Variants in CPA6 observed in about 807,000 individuals in gnomAD.
CPA6 encodes carboxypeptidase B.
Under a neutral mutation model 63.3 loss-of-function variants are expected in CPA6, and 58 were observed. That is an observed-to-expected ratio of 0.92 (90% CI 0.74 to 1.14). The LOEUF (loss-of-function observed/expected upper bound fraction) is 1.14, where lower values mean the gene tolerates loss of function less well. Among genes scored for constraint, CPA6 ranks in the 50% most tolerant of loss-of-function variants. The pLI is 0.00. For synonymous variants in CPA6, 185 were observed against 179.0 expected, an observed-to-expected ratio of 1.03 and a Z score of -0.27; for missense variants, 565 against 526.6, an observed-to-expected ratio of 1.07 and a Z score of -0.71.
chr8:67,576,144 T>C (rs1813619739), intron 2 of CPA6, among the ~76,000 whole-genome samples: 1 of 152,104 alleles, frequency 6.6e-6, no homozygotes, highest in Admixed American at 6.5e-5. Context: ...AGTAATTGAG[T>C]ACTGTACATT....
intron 1 of CPA6, among the ~76,000 whole-genome samples, chr8:67,671,693 T>A (rs1482371434): frequency 6.6e-6 from 1 of 152,200 alleles, no homozygotes; most frequent in Non-Finnish European, 1.5e-5. Flanking sequence ...TAAGAAAACA[T>A]TTGACATTAG....
intron 2 of CPA6, among the ~76,000 whole-genome samples, chr8:67,564,980 G>A (rs1218191671): frequency 6.6e-6 from 1 of 152,102 alleles, no homozygotes; most frequent in Non-Finnish European, 1.5e-5. Context: ...ACTGAGAACC[G>A]CAGCGTGGTC....
At chr8:67,715,984 T>C (rs1280973516) in intron 1 of CPA6, among the ~76,000 whole-genome samples, 1 of 151,784 alleles carries the variant, frequency 6.6e-6, no homozygotes, top group Non-Finnish European at 1.5e-5. Context: ...TGAAACCCCA[T>C]CTCTACTAAA....
chr8:67,642,001 T>C (rs1253207018), intron 1 of CPA6, among the ~76,000 whole-genome samples: 1 of 152,164 alleles, frequency 6.6e-6, no homozygotes, highest in Non-Finnish European at 1.5e-5. Flanking sequence ...ACACAAGTTA[T>C]TTAGGGAGGA....
chr8:67,425,123 T>A (rs907999766), intron 10 of CPA6, among the ~76,000 whole-genome samples: 1 of 152,220 alleles, frequency 6.6e-6, no homozygotes, highest in Non-Finnish European at 1.5e-5. Flanking sequence ...ATTAACTTAT[T>A]ATTTTGCCTC....
chr8:67,712,190 G>A (rs1296293283), intron 1 of CPA6, among the ~76,000 whole-genome samples: 1 of 152,124 alleles, frequency 6.6e-6, no homozygotes, highest in Non-Finnish European at 1.5e-5. Context: ...AGCCCATGGA[G>A]GCCTTGGTGC....
At chr8:67,488,366 T>C (rs1174780838) in intron 6 of CPA6, among the ~76,000 whole-genome samples, 1 of 152,164 alleles carries the variant, frequency 6.6e-6, no homozygotes, top group Admixed American at 6.5e-5. Context: ...TGGTTGTAGA[T>C]GTGTGGTGTT....
chr8:67,557,045 G>T (rs183145036), intron 2 of CPA6, among the ~76,000 whole-genome samples: 48 of 152,304 alleles, frequency 3.2e-4, no homozygotes, highest in African/African-American at 1.1e-3. Context: ...TGCATTTATG[G>T]TTCTGAACAC....
rs1464112419 is a variant in CPA6 at position 67,634,220 on chromosome 8, T to TTA, written c.117-9970_117-9969insTA. Among the ~76,000 whole-genome samples the TTA allele has an allele frequency of 5.7e-5, 8 of 140,208 alleles. 1 individual carries two copies. The highest frequency in any genetic ancestry group is 2.0e-4 in the East Asian group (1 of 4,926). 92.0% of individuals were successfully genotyped at this position (140,208 alleles called of 152,430 possible). ...ATTATTATTATTATTATTATTATTA[T>TTA]TTATTTGTTTTTTTTTTGAGACGGA... is the stretch of plus-strand genomic sequence containing the variant. On this transcript the variant is annotated intron_variant, in intron 1 of 10. Coordinates refer to ENST00000297770, the MANE Select transcript of CPA6 (RefSeq NM_020361.5).
At chr8:67,717,719 A>C (rs1817408860) in intron 1 of CPA6, among the ~76,000 whole-genome samples, 1 of 152,200 alleles carries the variant, frequency 6.6e-6, no homozygotes, top group Non-Finnish European at 1.5e-5. Context: ...AGATGTGATA[A>C]AGTTAAGGAT....
At chr8:67,457,357 C>A (rs1307164814) in intron 8 of CPA6, among the ~76,000 whole-genome samples, 1 of 152,184 alleles carries the variant, frequency 6.6e-6, no homozygotes, top group East Asian at 1.9e-4. Flanking sequence ...CCAAAATTCT[C>A]ATTTTTTTCC....
At chr8:67,548,986 A>C (rs900960195) in intron 2 of CPA6, among the ~76,000 whole-genome samples, 1 of 152,184 alleles carries the variant, frequency 6.6e-6, no homozygotes, top group Non-Finnish European at 1.5e-5. Flanking sequence ...GACAGAATAG[A>C]ATTTACAGCT....
intron 1 of CPA6, among the ~76,000 whole-genome samples, chr8:67,662,632 T>C (rs1449065918): frequency 6.6e-6 from 1 of 151,034 alleles, no homozygotes; most frequent in Non-Finnish European, 1.5e-5. Context: ...ATAGAATACA[T>C]ACACACATGT....
At position 67,552,034 on chromosome 8, in the gene CPA6, C is replaced by T. The variant is rs182444288; in HGVS notation, c.193-33987G>A. Among the ~76,000 whole-genome samples, 5 of 152,280 alleles carry T rather than the reference C, an allele frequency of 3.3e-5. No homozygotes were observed. The South Asian group carries it at 6.2e-4, about 19-fold the overall frequency. Reference sequence around the variant, plus strand: ...AAATCAGACTTTTTCTCCTTTTTATCTCAATACTTTATGCACAATATGTAA... The same window carrying T: ...AAATCAGACTTTTTCTCCTTTTTATTTCAATACTTTATGCACAATATGTAA... On this transcript the variant is annotated intron_variant, in intron 2 of 10. Transcript: ENST00000297770.
At chr8:67,593,508 G>A (rs1451559748) in intron 2 of CPA6, among the ~76,000 whole-genome samples, 1 of 152,120 alleles carries the variant, frequency 6.6e-6, no homozygotes, top group East Asian at 1.9e-4. Context: ...CATTATTATT[G>A]TGTGGGAGTC....
At chr8:67,530,994 G>A (rs774221897) in intron 2 of CPA6, among the ~76,000 whole-genome samples, 2 of 152,150 alleles carry the variant, frequency 1.3e-5, no homozygotes, top group African/African-American at 2.4e-5. Flanking sequence ...GCCACTATAC[G>A]TGAAAGCTAA....
At chr8:67,498,753 C>T (rs546022060) in intron 6 of CPA6, among the ~76,000 whole-genome samples, 27 of 152,108 alleles carry the variant, frequency 1.8e-4, no homozygotes, top group African/African-American at 6.5e-4. Context: ...TATAAGCAAG[C>T]ATTCAACAAG....
intron 2 of CPA6, among the ~76,000 whole-genome samples, chr8:67,524,199 A>C (rs578098031): frequency 1.3e-5 from 2 of 152,256 alleles, no homozygotes; most frequent in East Asian, 3.9e-4. Context: ...CTACCCTCCA[A>C]GTTTAGGTCA....
rs61054637 is a variant in CPA6, at chr8:67,642,793, T to TCACACA, written c.117-18548_117-18543dup. Among the ~76,000 whole-genome samples the TCACACA allele has an allele frequency of 3.9e-3, 568 of 145,168 alleles. 3 individuals carry two copies. The highest frequency in any genetic ancestry group is 8.1e-3 in the Admixed American group (118 of 14,580). ...AAAATAATTAACTTGGGCCTTTATC[T>TCACACA]CACACACACACACACACACACACAC... On this transcript the variant is annotated intron_variant, in intron 1 of 10. Coordinates refer to ENST00000297770, the MANE Select transcript of CPA6 (RefSeq NM_020361.5).
Sources: allele counts gnomAD v4.1 joint callset (sites outside exome capture counted in the v4.1 genomes callset), GRCh38; gene constraint gnomAD v4.1.1; transcripts MANE v1.5; gene names NCBI Gene and HGNC (gene_info 2026-07-23, HGNC 2026-07-21).